APOC2: variants seen among roughly 807,000 people sequenced by gnomAD.
APOC2 encodes apolipoprotein C-II.
APOC2 carries 6 observed loss-of-function variants against 10.2 expected under a neutral mutation model. That is an observed-to-expected ratio of 0.59 (90% CI 0.32 to 1.16). The LOEUF (loss-of-function observed/expected upper bound fraction) is 1.16, where lower values mean the gene tolerates loss of function less well. Among genes scored for constraint, APOC2 ranks in the 50% most tolerant of loss-of-function variants. The probability of loss-of-function intolerance (pLI) is 0.05; values close to 1 mark genes in which losing one functional copy is unlikely to be tolerated. For missense variants in APOC2, 110 were observed against 117.6 expected (o/e 0.94, Z 0.30); for synonymous variants, 56 against 48.5 (o/e 1.15, Z -0.64).
Position 44,949,257 on chromosome 19 carries a change from AC to A in APOC2, c.*14del. On this transcript the variant is annotated 3_prime_UTR_variant, in exon 4 of 4. Transcript: ENST00000252490. ...CTGAAGGGAGAGGAGTAACAGCCAG[AC>A]CCCCCATCAGTGGACAAGGGGAGAG... is the stretch of plus-strand genomic sequence containing the variant. 2.5e-6 allele frequency: 4 copies of A among 1,611,576 alleles called. No individual in the cohort carries two copies. The highest frequency in any genetic ancestry group is 1.7e-6 in the Non-Finnish European group (2 of 1,178,736).
chr19:44,948,421 C>T, intron 1 of APOC2, 45 bp from the exon 2 acceptor site: 1 of 1,544,900 alleles, frequency 6.5e-7, no homozygotes, highest in Non-Finnish European at 8.9e-7. Context: ...ACAGGAACAG[C>T]CGCCTCCAGT....
At chr19:44,948,419 AG>A in intron 1 of APOC2, 46 bp from the exon 2 acceptor site, 1 of 1,537,334 alleles carries the variant, frequency 6.5e-7, no homozygotes, top group Non-Finnish European at 9.0e-7. Flanking sequence ...CCACAGGAAC[AG>A]CCGCCTCCAG....
Position 44,948,536 on chromosome 19 carries a change from G to A in APOC2, c.55+3G>A. 1 of 1,614,060 alleles carries A rather than the reference G, an allele frequency of 6.2e-7. No individual in the cohort carries two copies. Among genetic ancestry groups the A allele is most frequent in the Non-Finnish European group, 8.5e-7 (1 of 1,179,932 alleles). On this transcript the variant is annotated splice_donor_region_variant and intron_variant, in intron 2 of 3. Coordinates refer to ENST00000252490, the MANE Select transcript of APOC2 (RefSeq NM_000483.5). ...TGTCCTCCTGGTATTGGGATTTGGT[G>A]AGTGTGGGCTTCCGGGGAGGGAAGC...
chr19:44,948,518 C>T lies in APOC2; in HGVS notation c.40C>T (p.Leu14=), dbSNP rs140169122. The change falls in exon 2 of 4, where the codon CTG becomes TTG. Residue 14 remains leucine, a synonymous_variant. Coordinates refer to ENST00000252490, the MANE Select transcript of APOC2 (RefSeq NM_000483.5). ...RLLPALFLVL[L]VLGFEVQGTQ... Reference sequence around the variant, plus strand: ...CCTCCCAGCTCTGTTTCTTGTCCTCCTGGTATTGGGATTTGGTGAGTGTGG... The same window carrying T: ...CCTCCCAGCTCTGTTTCTTGTCCTCTTGGTATTGGGATTTGGTGAGTGTGG... 6 of 1,613,990 alleles carry T rather than the reference C, an allele frequency of 3.7e-6. No homozygotes were observed. The Admixed American group carries it at 8.3e-5, about 22-fold the overall frequency.
At position 44,949,371 on chromosome 19, in the gene APOC2, C is replaced by A. The variant is rs1337063651; in HGVS notation, c.*122C>A. On this transcript the variant is annotated 3_prime_UTR_variant, in exon 4 of 4. Transcript: ENST00000252490. Reference sequence around the variant, plus strand: ...CCTCCTCCCAACTCTAGCCTGAATTCTTTTCAATAAAAAATACAATTCAAG... The same window carrying A: ...CCTCCTCCCAACTCTAGCCTGAATTATTTTCAATAAAAAATACAATTCAAG... 9.1e-6 allele frequency: 7 copies of A among 770,602 alleles called. No individual in the cohort carries two copies. Among genetic ancestry groups the A allele is most frequent in the Admixed American group, 8.2e-5 (4 of 48,568 alleles). The allele number at this position is 770,602 out of a possible 1,614,324, so 47.7% of individuals were successfully genotyped here.
intron 1 of APOC2, chr19:44,947,312 G>A (rs887464475): frequency 6.6e-6 from 1 of 152,268 alleles, no homozygotes; most frequent in Non-Finnish European, 1.5e-5. Flanking sequence ...CATAGAGCAG[G>A]TGAGAACTCA....
chr19:44,948,614 C>T, intron 2 of APOC2, 81 bp downstream of exon 2: 2 of 1,603,332 alleles, frequency 1.2e-6, no homozygotes, highest in Non-Finnish European at 1.7e-6. Context: ...CCCTTCTTAC[C>T]TCTGCCTCTG....
chr19:44,948,407 G>T, intron 1 of APOC2, 59 bp from the exon 2 acceptor site: 2 of 1,462,434 alleles, frequency 1.4e-6, no homozygotes, highest in South Asian at 2.3e-5. Context: ...AGTGGGGCGT[G>T]ACCACAGGAA....
intron 1 of APOC2, among the ~76,000 whole-genome samples, chr19:44,946,887 T>C (rs1302969105): frequency 1.3e-5 from 2 of 152,080 alleles, no homozygotes; most frequent in Admixed American, 1.3e-4. Context: ...CGTGGTGGCT[T>C]ACACTTGTAA....
chr19:44,949,053 C>A (rs1599993805), intron 3 of APOC2, 106 bp from the exon 4 acceptor site: 1 of 1,171,656 alleles, frequency 8.5e-7, no homozygotes, highest in East Asian at 2.8e-5. Flanking sequence ...CCCAGCCCCT[C>A]CTCCCTCAGA....
Position 44,949,546 on chromosome 19 carries a change from A to G in APOC2, c.*297A>G. 1 of 410,334 alleles carries G rather than the reference A, an allele frequency of 2.4e-6. No individual in the cohort carries two copies. Among genetic ancestry groups the G allele is most frequent in the South Asian group, 2.9e-5 (1 of 33,976 alleles). 25.4% of individuals were successfully genotyped at this position (410,334 alleles called of 1,614,324 possible). ...GGGAATAAAGCAGTGAATAGTAACA[A>G]TAAATAATCGTAACAGCAATTAGAG... is the stretch of plus-strand genomic sequence containing the variant. On this transcript the variant is annotated 3_prime_UTR_variant, in exon 4 of 4. Coordinates refer to ENST00000252490, the MANE Select transcript of APOC2 (RefSeq NM_000483.5).
At chr19:44,948,916 G>A in intron 3 of APOC2, 56 bp downstream of exon 3, 1 of 1,603,978 alleles carries the variant, frequency 6.2e-7, no homozygotes, top group Non-Finnish European at 8.5e-7. Flanking sequence ...CTGCATCCAG[G>A]ACCCAGAAGT....
Sources: gnomAD v4.1 joint callset for allele counts (sites outside exome capture counted in the v4.1 genomes callset) on GRCh38, gnomAD v4.1.1 for gene constraint, MANE v1.5 for transcripts, NCBI Gene and HGNC (gene_info 2026-07-23, HGNC 2026-07-21) for gene names.